LINC00237: variants seen among roughly 807,000 people sequenced by gnomAD.
The protein encoded by LINC00237 is long intergenic non-protein coding RNA 237.
chr20:21,088,663 G>A (rs2030746508), intron 2 of LINC00237, among the ~76,000 whole-genome samples: 1 of 152,168 alleles, frequency 6.6e-6, no homozygotes, highest in Admixed American at 6.5e-5. Context: ...TGGATTTATA[G>A]AAAAGAACAA....
chr20:21,086,726 A>G (rs2030710419), intron 3 of LINC00237, among the ~76,000 whole-genome samples: 1 of 32,624 alleles, frequency 3.1e-5, no homozygotes, highest in Non-Finnish European at 6.7e-5. Context: ...TATACTATAT[A>G]TAGTATACTA....
intron 2 of LINC00237, chr20:21,089,705 G>A (rs1362779929): frequency 6.6e-6 from 1 of 152,168 alleles, no homozygotes; most frequent in East Asian, 1.9e-4. Context: ...CAGCCGACTG[G>A]GGAGATGGGA....
At chr20:21,103,835 C>G (rs2030963893) in intron 1 of LINC00237, among the ~76,000 whole-genome samples, 1 of 152,132 alleles carries the variant, frequency 6.6e-6, no homozygotes, top group African/African-American at 2.4e-5. Context: ...TGCAGGTGTC[C>G]GAAATCATTA....
chr20:21,097,896 G>A (rs6137261), intron 1 of LINC00237, among the ~76,000 whole-genome samples: 13,613 of 152,140 alleles, frequency 0.089, 1,100 homozygotes, highest in East Asian at 0.31. Context: ...CTTTTCTGGA[G>A]AGGGCTCATT....
At chr20:21,089,592 A>G (rs1232962337) in intron 2 of LINC00237, 6 of 152,118 alleles carry the variant, frequency 3.9e-5, no homozygotes, top group Non-Finnish European at 7.3e-5. Context: ...GGCTGGAGGG[A>G]TGTCTAGTAA....
At chr20:21,089,506 A>T (rs2030762954) in intron 2 of LINC00237, among the ~76,000 whole-genome samples, 1 of 152,146 alleles carries the variant, frequency 6.6e-6, no homozygotes, top group South Asian at 2.1e-4. Flanking sequence ...ATGATAAATA[A>T]CAGTGGCCTC....
chr20:21,097,943 T>C (rs533117498), intron 1 of LINC00237, among the ~76,000 whole-genome samples: 1 of 152,360 alleles, frequency 6.6e-6, no homozygotes, highest in African/African-American at 2.4e-5. Context: ...CCATGTTCTG[T>C]AGCTTTACTG....
chr20:21,088,897 A>C (rs2030751115), intron 2 of LINC00237, among the ~76,000 whole-genome samples: 1 of 152,140 alleles, frequency 6.6e-6, no homozygotes, highest in Non-Finnish European at 1.5e-5. Flanking sequence ...CCTGGAAGGA[A>C]TCACTATACG....
intron 2 of LINC00237, among the ~76,000 whole-genome samples, chr20:21,091,046 CGTGT>C (rs1028541014): frequency 1.3e-5 from 2 of 150,152 alleles, no homozygotes; most frequent in Non-Finnish European, 3.0e-5. Context: ...TGTAAATGTG[CGTGT>C]GTGTGTGTGC....
chr20:21,097,925 C>A (rs1300547745), intron 1 of LINC00237, among the ~76,000 whole-genome samples: 1 of 152,180 alleles, frequency 6.6e-6, no homozygotes, highest in Non-Finnish European at 1.5e-5. Flanking sequence ...AAAAAATTCT[C>A]AACATTTCCA....
intron 1 of LINC00237, among the ~76,000 whole-genome samples, chr20:21,103,945 G>A (rs1568887522): frequency 6.6e-6 from 1 of 152,164 alleles, no homozygotes; most frequent in Non-Finnish European, 1.5e-5. Flanking sequence ...GCAGCAGACT[G>A]ACGATAATCT....
chr20:21,095,222 G>C (rs893143130), intron 1 of LINC00237, among the ~76,000 whole-genome samples: 2 of 152,124 alleles, frequency 1.3e-5, no homozygotes, highest in Non-Finnish European at 2.9e-5. Context: ...CTCCCGCTTG[G>C]AGCCCAGCTG....
At chr20:21,086,780 G>A (rs2030712238) in intron 3 of LINC00237, among the ~76,000 whole-genome samples, 1 of 113,708 alleles carries the variant, frequency 8.8e-6, no homozygotes, top group Non-Finnish European at 1.7e-5. Context: ...TACTATACAT[G>A]TACTATATAT....
intron 1 of LINC00237, among the ~76,000 whole-genome samples, chr20:21,096,622 T>A (rs2030861840): frequency 6.6e-6 from 1 of 152,218 alleles, no homozygotes. Context: ...AGTGGAACTA[T>A]AAGCCTTTCT....
intron 2 of LINC00237, among the ~76,000 whole-genome samples, chr20:21,092,434 T>A (rs113371733): frequency 3.0e-4 from 46 of 152,344 alleles, no homozygotes; most frequent in African/African-American, 1.1e-3. Context: ...ATTGTAATGA[T>A]GCAGCAGTGG....
chr20:21,094,422 G>A (rs1461602031), intron 1 of LINC00237, among the ~76,000 whole-genome samples: 1 of 152,172 alleles, frequency 6.6e-6, no homozygotes, highest in Non-Finnish European at 1.5e-5. Flanking sequence ...GACAGTAAAT[G>A]ATTAAAGACA....
At chr20:21,086,685 A>ATATAGTATACTATATATGTATAGTATAC (rs2030707879) in intron 3 of LINC00237, among the ~76,000 whole-genome samples, 6 of 94,980 alleles carry the variant, frequency 6.3e-5, no homozygotes, top group Non-Finnish European at 1.1e-4. Context: ...AGTATACTAC[A>ATATAGTATACTATATATGTATAGTATAC]TATACATATG....
In LINC00237 at chr20:21,101,736, C is replaced by A. The variant is rs1379141774; in HGVS notation, n.88+4535G>T. 3.9e-5 allele frequency among the ~76,000 whole-genome samples: 6 copies of A among 152,254 alleles called. No individual in the cohort carries two copies. The highest frequency in any genetic ancestry group is 5.9e-5 in the Non-Finnish European group (4 of 68,050). On this transcript the variant is annotated intron_variant and non_coding_transcript_variant, in intron 1 of 3. Coordinates refer to ENST00000691244, the Ensembl canonical transcript of LINC00237. The surrounding 1 kb of genome is among the most constrained non-coding windows in gnomAD (Gnocchi z 4.3). The stretch of plus-strand genomic sequence containing the variant: ...TGCCTGCCTCCTGGAAAAGCTGTCA[C>A]GATTGGGCTTGGGCTTGGGCTTGGC...
intron 2 of LINC00237, chr20:21,090,528 C>T (rs1348786215): frequency 6.6e-6 from 1 of 152,176 alleles, no homozygotes; most frequent in Non-Finnish European, 1.5e-5. Context: ...GCCTAATTCC[C>T]ACCTTCTCCA....
Sources: allele counts gnomAD v4.1 joint callset (sites outside exome capture counted in the v4.1 genomes callset), GRCh38; gene constraint gnomAD v4.1.1; non-coding constraint Gnocchi (gnomAD v3.1); transcripts MANE v1.5; gene names NCBI Gene and HGNC (gene_info 2026-07-23, HGNC 2026-07-21).